Variants in ARHGAP15 observed in about 807,000 individuals in gnomAD.
The protein encoded by ARHGAP15 is rho GTPase-activating protein 15.
In ARHGAP15, 51 loss-of-function variants were observed where a neutral mutation model predicts 63.7. The ratio of observed to expected loss-of-function variants is 0.80; its 90% CI spans 0.64 to 1.01. The LOEUF (loss-of-function observed/expected upper bound fraction) is 1.01. Among genes scored for constraint, ARHGAP15 ranks in the 50% least tolerant of loss-of-function variants. The pLI is 0.00. For synonymous variants in ARHGAP15, 191 were observed against 193.8 expected (o/e 0.99, Z 0.12); for missense variants, 560 against 564.6 (o/e 0.99, Z 0.08).
intron 6 of ARHGAP15, among the ~76,000 whole-genome samples, chr2:143,349,880 GGAAGGATATGCA>G: frequency 6.6e-6 from 1 of 152,188 alleles, no homozygotes; most frequent in South Asian, 2.1e-4. Flanking sequence ...CTTGTTTCTT[GGAAGGATATGCA>G]TATGGATGAT....
Position 143,703,415 on chromosome 2 carries a change from C to A in ARHGAP15, c.1139-4C>A. The A allele has an allele frequency of 6.3e-7, 1 of 1,580,436 alleles. No individual in the cohort carries two copies. Among genetic ancestry groups the A allele is most frequent in the Non-Finnish European group, 8.6e-7 (1 of 1,167,550 alleles). On this transcript the variant is annotated splice_region_variant and splice_polypyrimidine_tract_variant and intron_variant, in intron 12 of 13. Coordinates refer to ENST00000295095, the MANE Select transcript of ARHGAP15 (RefSeq NM_018460.4). ...CTAACCTTCCTTTTTATTTTTTTTT[C>A]CAGAAAAGCAAGACAACAACACAAG...
intron 9 of ARHGAP15, among the ~76,000 whole-genome samples, chr2:143,515,887 C>G (rs1693792049): frequency 6.6e-6 from 1 of 152,200 alleles, no homozygotes; most frequent in African/African-American, 2.4e-5. Context: ...ATCAAGATTT[C>G]TCTAAGAGTG....
At chr2:143,540,621 C>A (rs1371153193) in intron 10 of ARHGAP15, among the ~76,000 whole-genome samples, 1 of 152,082 alleles carries the variant, frequency 6.6e-6, no homozygotes, top group African/African-American at 2.4e-5. Flanking sequence ...TATTTTATTT[C>A]TCCTTCCCTT....
chr2:143,500,306 G>A (rs1692998786), intron 9 of ARHGAP15, among the ~76,000 whole-genome samples: 1 of 151,078 alleles, frequency 6.6e-6, no homozygotes, highest in Admixed American at 6.6e-5. Context: ...CTGATTAAAA[G>A]CATCAATCTA....
At chr2:143,153,388 T>G (rs1337156268) in intron 1 of ARHGAP15, among the ~76,000 whole-genome samples, 1 of 151,990 alleles carries the variant, frequency 6.6e-6, no homozygotes, top group Non-Finnish European at 1.5e-5. Flanking sequence ...TATTTCATAC[T>G]TATTGAAAAA....
At chr2:143,316,561 T>C (rs542839451) in intron 6 of ARHGAP15, among the ~76,000 whole-genome samples, 1 of 147,354 alleles carries the variant, frequency 6.8e-6, no homozygotes, top group African/African-American at 2.5e-5. Context: ...ATGTTATATA[T>C]TTTAAAACAT....
At chr2:143,391,974 A>G (rs986718003) in intron 6 of ARHGAP15, among the ~76,000 whole-genome samples, 5 of 152,174 alleles carry the variant, frequency 3.3e-5, no homozygotes, top group African/African-American at 9.7e-5. Flanking sequence ...AAACTAACAC[A>G]TAGGCTATCC....
At chr2:143,733,335 G>A (rs942884189) in intron 13 of ARHGAP15, among the ~76,000 whole-genome samples, 5 of 152,122 alleles carry the variant, frequency 3.3e-5, no homozygotes, top group African/African-American at 7.2e-5. Flanking sequence ...TCATTTTAAC[G>A]GCAGGCATGT....
intron 2 of ARHGAP15, among the ~76,000 whole-genome samples, chr2:143,187,709 C>T (rs950132096): frequency 6.6e-6 from 1 of 152,182 alleles, no homozygotes; most frequent in African/African-American, 2.4e-5. Flanking sequence ...TCTGCTGAAT[C>T]ATACTTATAA....
chr2:143,645,700 T>A (rs181712791), intron 12 of ARHGAP15, among the ~76,000 whole-genome samples: 1 of 152,222 alleles, frequency 6.6e-6, no homozygotes, highest in Non-Finnish European at 1.5e-5. Context: ...ATAACTCTTG[T>A]CTGAGTAAGT....
intron 12 of ARHGAP15, among the ~76,000 whole-genome samples, chr2:143,661,014 C>T (rs376243375): frequency 6.6e-6 from 1 of 152,182 alleles, no homozygotes; most frequent in Non-Finnish European, 1.5e-5. Flanking sequence ...ATGTTCTTGC[C>T]TTTTCCAGTT....
intron 6 of ARHGAP15, among the ~76,000 whole-genome samples, chr2:143,352,119 T>A (rs1270794360): frequency 1.3e-5 from 2 of 152,202 alleles, no homozygotes; most frequent in East Asian, 3.8e-4. Flanking sequence ...TTACATTGTA[T>A]TGCAGTATTT....
At chr2:143,371,061 TGTG>T (rs530549811) in intron 6 of ARHGAP15, among the ~76,000 whole-genome samples, 228 of 152,324 alleles carry the variant, frequency 1.5e-3, no homozygotes, top group African/African-American at 5.1e-3. Context: ...TGTTGTTTGT[TGTG>T]GTCATTGTTT....
intron 8 of ARHGAP15, among the ~76,000 whole-genome samples, chr2:143,447,956 T>C (rs1388984204): frequency 6.6e-6 from 1 of 152,020 alleles, no homozygotes; most frequent in Admixed American, 6.6e-5. Flanking sequence ...AGGTAATATA[T>C]TTGGAAGTGA....
At chr2:143,741,772 C>G (rs1209775217) in intron 13 of ARHGAP15, among the ~76,000 whole-genome samples, 1 of 152,210 alleles carries the variant, frequency 6.6e-6, no homozygotes, top group Admixed American at 6.5e-5. Context: ...AACCAAATTT[C>G]AGGACATCAA....
intron 10 of ARHGAP15, among the ~76,000 whole-genome samples, chr2:143,538,544 G>A (rs1694886666): frequency 1.3e-5 from 2 of 152,148 alleles, no homozygotes; most frequent in Admixed American, 6.5e-5. Context: ...ATTATTTTGA[G>A]ATATGTCCCA....
intron 6 of ARHGAP15, among the ~76,000 whole-genome samples, chr2:143,271,711 C>A (rs890811420): frequency 2.0e-5 from 3 of 152,202 alleles, no homozygotes; most frequent in Non-Finnish European, 2.9e-5. Context: ...CTCCTGACCT[C>A]GTGATCCGCC....
intron 6 of ARHGAP15, among the ~76,000 whole-genome samples, chr2:143,310,124 T>C (rs1683369252): frequency 6.6e-6 from 1 of 152,188 alleles, no homozygotes; most frequent in South Asian, 2.1e-4. Flanking sequence ...TTCATTGCAT[T>C]GCTTATGGTT....
intron 8 of ARHGAP15, among the ~76,000 whole-genome samples, chr2:143,445,149 A>G (rs1045601840): frequency 4.7e-5 from 5 of 106,026 alleles, no homozygotes; most frequent in Admixed American, 4.6e-4. Context: ...GATTAAGAAC[A>G]ATTATTTTTT....
Sources: gnomAD v4.1 joint callset for allele counts (sites outside exome capture counted in the v4.1 genomes callset) on GRCh38, gnomAD v4.1.1 for gene constraint, MANE v1.5 for transcripts, NCBI Gene and HGNC (gene_info 2026-07-23, HGNC 2026-07-21) for gene names.